ASPRV1: variants seen among roughly 807,000 people sequenced by gnomAD.
ASPRV1 encodes the protein retroviral-like aspartic protease 1.
ASPRV1 carries 7 observed loss-of-function variants against 11.0 expected under a neutral mutation model. The observed-to-expected ratio is 0.64, with a 90% CI of 0.36 to 1.20. The LOEUF (loss-of-function observed/expected upper bound fraction) is 1.20, where lower values mean the gene tolerates loss of function less well. Among genes scored for constraint, ASPRV1 ranks in the 50% most tolerant of loss-of-function variants. ASPRV1 has a pLI of 0.02. For missense variants in ASPRV1, 299 were observed against 320.0 expected, an observed-to-expected ratio of 0.93 and a Z score of 0.50; for synonymous variants, 136 against 138.4, an observed-to-expected ratio of 0.98 and a Z score of 0.12.
At chr2:69,967,598 T>C in the ASPRV1 span, among the ~76,000 whole-genome samples, 2 of 152,068 alleles carry the variant, frequency 1.3e-5, no homozygotes, top group Non-Finnish European at 1.5e-5. Flanking sequence ...ATGGAAACAG[T>C]GTCTATGAAC....
the ASPRV1 span, chr2:70,046,213 TAGG>T: frequency 2.0e-5 from 3 of 152,358 alleles, no homozygotes; most frequent in East Asian, 1.9e-4. Flanking sequence ...GTTTTTTCCC[TAGG>T]AGGTTTCCAA....
the ASPRV1 span, chr2:70,069,104 C>T: frequency 1.3e-5 from 2 of 152,162 alleles, no homozygotes; most frequent in African/African-American, 4.8e-5. Context: ...AAAAATGACA[C>T]AGCCCAGGCC....
chr2:70,081,758 A>T, the ASPRV1 span, among the ~76,000 whole-genome samples: 1 of 151,556 alleles, frequency 6.6e-6, no homozygotes, highest in Non-Finnish European at 1.5e-5. Context: ...TAATGTTTTT[A>T]TTTTTTTGTA....
chr2:70,005,816 AT>A, the ASPRV1 span, among the ~76,000 whole-genome samples: 1 of 152,114 alleles, frequency 6.6e-6, no homozygotes, highest in Admixed American at 6.6e-5. Context: ...GCATCTACTC[AT>A]TGTTTATAAA....
At chr2:70,042,122 A>T in the ASPRV1 span, among the ~76,000 whole-genome samples, 1 of 152,334 alleles carries the variant, frequency 6.6e-6, no homozygotes. Flanking sequence ...TCTCTAGTTA[A>T]ATACGTTTGA....
rs1230841384 is a variant in ASPRV1, at chr2:69,960,601, C to CG, written c.*55_*56insC. On this transcript the variant is annotated 3_prime_UTR_variant, in exon 1 of 1. Transcript: ENST00000320256. ...ACCCCCATGAGGATATGCAACCCCC[C>CG]CCACAGCGGTGGGTCTTCCCACCAA... 5 of 1,525,828 alleles carry CG rather than the reference C, an allele frequency of 3.3e-6. No homozygotes were observed. The African/African-American group carries it at 6.9e-5, about 21-fold the overall frequency. 94.5% of individuals were successfully genotyped at this position (1,525,828 alleles called of 1,614,324 possible). A position where few individuals can be genotyped will look rare whatever the true frequency, so the allele number is the denominator to read the frequency against.
chr2:70,029,151 G>A, the ASPRV1 span, among the ~76,000 whole-genome samples: 3 of 152,102 alleles, frequency 2.0e-5, no homozygotes, highest in Admixed American at 6.6e-5. Context: ...TGGGGCTTAG[G>A]AGTGGCAATC....
chr2:69,970,680 G>A, the ASPRV1 span: 2 of 152,298 alleles, frequency 1.3e-5, no homozygotes, highest in Admixed American at 6.5e-5. Context: ...CACTGGTACA[G>A]TCTAAACATG....
rs1678095356 is a variant in ASPRV1 at position 69,961,370 on chromosome 2, C to G, written c.67G>C (p.Asp23His). 2 of 1,614,150 alleles carry G rather than the reference C, an allele frequency of 1.2e-6. No individual in the cohort carries two copies. The highest frequency in any genetic ancestry group is 1.3e-5 in the African/African-American group (1 of 75,058). Residue 23 changes from aspartate (D) to histidine (H), a missense_variant, in exon 1 of 1, where the codon GAT becomes CAT. By Grantham distance (81) the Asp-to-His change is moderately conservative. Coordinates refer to ENST00000320256, the MANE Select transcript of ASPRV1 (RefSeq NM_152792.4). Reference sequence around the variant, plus strand: ...AGGTTTGGGACGACATTGGCCCCATCAAAAGGTTCCGGGACGAAGGCATGC... The same window carrying G: ...AGGTTTGGGACGACATTGGCCCCATGAAAAGGTTCCGGGACGAAGGCATGC... ...RQHAFVPEPF[D>H]GANVVPNLWL...
At chr2:69,937,498 A>G in the ASPRV1 span, 1 of 1,125,790 alleles carries the variant, frequency 8.9e-7, no homozygotes. Flanking sequence ...GAACTAAGAC[A>G]CTGGGTATGA....
At chr2:70,079,408 G>A in the ASPRV1 span, among the ~76,000 whole-genome samples, 10 of 152,230 alleles carry the variant, frequency 6.6e-5, no homozygotes, top group Non-Finnish European at 1.2e-4. Flanking sequence ...AGGAATTCAA[G>A]GCTACAGTCA....
At chr2:69,933,063 G>A in the ASPRV1 span, among the ~76,000 whole-genome samples, 7 of 151,846 alleles carry the variant, frequency 4.6e-5, no homozygotes, top group African/African-American at 1.7e-4. Context: ...GCCGGACGTG[G>A]TGGCGGGCGC....
upstream of ASPRV1, among the ~76,000 whole-genome samples, chr2:69,964,054 T>A (rs750331829): frequency 2.6e-5 from 4 of 152,252 alleles, no homozygotes; most frequent in African/African-American, 9.6e-5. Context: ...AAATCAAGAC[T>A]TTTTCCCCCT....
the ASPRV1 span, among the ~76,000 whole-genome samples, chr2:70,052,741 T>A: frequency 6.6e-6 from 1 of 152,290 alleles, no homozygotes; most frequent in African/African-American, 2.4e-5. Flanking sequence ...TGGATGGGAT[T>A]CCTCTTATTT....
chr2:69,937,483 A>G, the ASPRV1 span: 791 of 1,233,908 alleles, frequency 6.4e-4, 4 homozygotes, highest in African/African-American at 0.011. Context: ...GGCAGAGTGT[A>G]AGAAGAACTA....
the ASPRV1 span, among the ~76,000 whole-genome samples, chr2:70,009,311 C>CTTACTTATTTAT: frequency 1.4e-5 from 2 of 147,556 alleles, no homozygotes; most frequent in East Asian, 4.0e-4. Context: ...AATTTATTGT[C>CTTACTTATTTAT]TTATTTATTT....
the ASPRV1 span, among the ~76,000 whole-genome samples, chr2:69,995,711 G>A: frequency 6.6e-6 from 1 of 152,154 alleles, no homozygotes; most frequent in Non-Finnish European, 1.5e-5. Flanking sequence ...AGGGCAGAAG[G>A]GAGGGCAGGG....
the ASPRV1 span, among the ~76,000 whole-genome samples, chr2:69,992,243 C>A: frequency 6.6e-6 from 1 of 152,152 alleles, no homozygotes; most frequent in African/African-American, 2.4e-5. Flanking sequence ...CTCTACTCGG[C>A]GTCTTCGCCT....
the ASPRV1 span, among the ~76,000 whole-genome samples, chr2:70,010,304 A>C: frequency 1.3e-5 from 2 of 152,090 alleles, no homozygotes; most frequent in South Asian, 2.1e-4. Flanking sequence ...AGCACAAGAG[A>C]GGGAGCCACA....
Sources: allele counts gnomAD v4.1 joint callset (sites outside exome capture counted in the v4.1 genomes callset), GRCh38; gene constraint gnomAD v4.1.1; transcripts MANE v1.5; gene names NCBI Gene and HGNC (gene_info 2026-07-23, HGNC 2026-07-21).